Variants in DDAH1 observed in about 807,000 individuals in gnomAD.
The protein encoded by DDAH1 is N(G),N(G)-dimethylarginine dimethylaminohydrolase 1.
Under a neutral mutation model 28.8 loss-of-function variants are expected in DDAH1, and 19 were observed. The observed-to-expected ratio is 0.66, with a 90% CI of 0.46 to 0.97. DDAH1 has a LOEUF of 0.97. Ranked by LOEUF, DDAH1 falls within the 50% of genes least tolerant of loss-of-function variation. The pLI, the probability that DDAH1 is intolerant of heterozygous loss-of-function variation, is 0.00. For synonymous variants in DDAH1, 153 were observed against 154.4 expected (o/e 0.99, Z 0.07); for missense variants, 326 against 375.9 (o/e 0.87, Z 1.10).
chr1:85,522,465 G>A (rs1426118641), intron 1 of DDAH1, among the ~76,000 whole-genome samples: 1 of 141,412 alleles, frequency 7.1e-6, no homozygotes, highest in Non-Finnish European at 1.5e-5. Context: ...CTAAGGGGCA[G>A]AATTTAATTC....
chr1:85,433,455 A>G (rs1251116423), intron 1 of DDAH1, among the ~76,000 whole-genome samples: 1 of 152,178 alleles, frequency 6.6e-6, no homozygotes, highest in Non-Finnish European at 1.5e-5. Context: ...CGACAACTGC[A>G]ATAACGTACA....
At chr1:85,525,513 C>T (rs1657835390) in intron 1 of DDAH1, among the ~76,000 whole-genome samples, 1 of 151,764 alleles carries the variant, frequency 6.6e-6, no homozygotes, top group Admixed American at 6.6e-5. Context: ...TTTACCACAT[C>T]ACTTAACTTC....
chr1:85,343,643 A>G (rs959349724), intron 4 of DDAH1, among the ~76,000 whole-genome samples: 1 of 152,256 alleles, frequency 6.6e-6, no homozygotes, highest in Admixed American at 6.5e-5. Context: ...TGACAACAAT[A>G]ACTAAAAATG....
chr1:85,552,492 A>G (rs927689778), intron 1 of DDAH1, among the ~76,000 whole-genome samples: 26 of 152,242 alleles, frequency 1.7e-4, no homozygotes, highest in African/African-American at 6.3e-4. Flanking sequence ...ATCATATTCT[A>G]CTTGTCCAAC....
intron 1 of DDAH1, among the ~76,000 whole-genome samples, chr1:85,422,353 G>A (rs955267787): frequency 3.9e-5 from 6 of 151,972 alleles, no homozygotes; most frequent in African/African-American, 1.4e-4. Flanking sequence ...CCTGTGGCTT[G>A]TCTTTTATTA....
intron 1 of DDAH1, chr1:85,404,669 T>C (rs1404890335): frequency 9.2e-6 from 4 of 436,746 alleles, no homozygotes; most frequent in Admixed American, 4.9e-5. Flanking sequence ...TTCCACGTAA[T>C]AGCTTTTCCG....
chr1:85,566,081 C>CA (rs35607554), intron 1 of DDAH1, among the ~76,000 whole-genome samples: 126,221 of 143,010 alleles, frequency 0.88, 55,576 homozygotes, highest in South Asian at 0.95. Context: ...AACTCTGTCT[C>CA]AAAAAAAAAA....
intron 1 of DDAH1, among the ~76,000 whole-genome samples, chr1:85,528,362 T>A (rs1461367565): frequency 1.3e-5 from 2 of 152,090 alleles, no homozygotes; most frequent in African/African-American, 2.4e-5. Flanking sequence ...TGACCCGGAG[T>A]TTGGAAAATA....
intron 1 of DDAH1, among the ~76,000 whole-genome samples, chr1:85,429,032 A>G (rs1418225181): frequency 8.5e-5 from 13 of 152,132 alleles, no homozygotes; most frequent in Non-Finnish European, 1.5e-5. Flanking sequence ...TTTTTATTAT[A>G]TACTTTAAGT....
intron 1 of DDAH1, among the ~76,000 whole-genome samples, chr1:85,420,595 C>G (rs183824394): frequency 1.2e-4 from 18 of 152,312 alleles, no homozygotes; most frequent in Non-Finnish European, 2.1e-4. Context: ...GACCTTTACT[C>G]CAGTTCCCAA....
chr1:85,539,846 C>T (rs1256321865), intron 1 of DDAH1, among the ~76,000 whole-genome samples: 3 of 151,638 alleles, frequency 2.0e-5, no homozygotes, highest in Non-Finnish European at 4.4e-5. Context: ...TTCTCCATTG[C>T]CTGTCAAACT....
intron 1 of DDAH1, among the ~76,000 whole-genome samples, chr1:85,423,686 T>C (rs1653256125): frequency 6.6e-6 from 1 of 152,232 alleles, no homozygotes; most frequent in Non-Finnish European, 1.5e-5. Context: ...GAAGTTGTGT[T>C]TTCTTTTTTG....
At chr1:85,459,794 T>C (rs942451074) in intron 1 of DDAH1, among the ~76,000 whole-genome samples, 1 of 152,252 alleles carries the variant, frequency 6.6e-6, no homozygotes, top group African/African-American at 2.4e-5. Context: ...TATAAATGAC[T>C]GAATTGTTAT....
At chr1:85,399,726 CT>C (rs1651980764) in intron 1 of DDAH1, 1 of 152,198 alleles carries the variant, frequency 6.6e-6, no homozygotes, top group Non-Finnish European at 1.5e-5. Flanking sequence ...TGTTTTAATC[CT>C]TAAAAGTAAC....
chr1:85,518,783 G>A (rs2100759682), intron 1 of DDAH1, among the ~76,000 whole-genome samples: 1 of 152,286 alleles, frequency 6.6e-6, no homozygotes, highest in East Asian at 1.9e-4. Flanking sequence ...TAGACATCTT[G>A]GGGGACCATT....
At chr1:85,349,429 A>G (rs1649065684) in intron 4 of DDAH1, among the ~76,000 whole-genome samples, 1 of 151,978 alleles carries the variant, frequency 6.6e-6, no homozygotes, top group African/African-American at 2.4e-5. Context: ...AAAGAGCCTC[A>G]GGGCCCACAG....
intron 1 of DDAH1, among the ~76,000 whole-genome samples, chr1:85,377,480 A>C (rs1275177643): frequency 1.3e-5 from 2 of 152,120 alleles, no homozygotes; most frequent in Non-Finnish European, 2.9e-5. Flanking sequence ...CCACAGAATA[A>C]ATGTGGCCTG....
At chr1:85,481,666 T>G (rs918242060) in intron 2 of DDAH1, among the ~76,000 whole-genome samples, 1 of 152,206 alleles carries the variant, frequency 6.6e-6, no homozygotes, top group Non-Finnish European at 1.5e-5. Context: ...TGAACAGTAC[T>G]TTTCTTCCTA....
At chr1:85,551,624 T>G (rs1880208) in intron 1 of DDAH1, among the ~76,000 whole-genome samples, 113,971 of 152,178 alleles carry the variant, frequency 0.75, 42,875 homozygotes, top group South Asian at 0.81. Flanking sequence ...GATAAGGAGC[T>G]TTCTGCTCCT....
Sources: gnomAD v4.1 joint callset for allele counts (sites outside exome capture counted in the v4.1 genomes callset) on GRCh38, gnomAD v4.1.1 for gene constraint, MANE v1.5 for transcripts, NCBI Gene and HGNC (gene_info 2026-07-23, HGNC 2026-07-21) for gene names.